EHBP1: variants seen among roughly 807,000 people sequenced by gnomAD.
EHBP1 encodes the protein EH domain-binding protein 1.
A neutral mutation model predicts 144.0 loss-of-function variants in EHBP1; 55 were observed. That is an observed-to-expected ratio of 0.38 (90% confidence interval 0.31 to 0.48). The LOEUF is 0.48. Among genes scored for constraint, EHBP1 ranks in the 20% least tolerant of loss-of-function variants. The pLI is 0.98. For missense variants in EHBP1, 1,200 were observed against 1,364.2 expected, an observed-to-expected ratio of 0.88 and a Z score of 1.90; for synonymous variants, 469 against 472.7, an observed-to-expected ratio of 0.99 and a Z score of 0.10.
chr2:62,943,766 T>G, intron 11 of EHBP1, 36 bp from the exon 12 acceptor site: 1 of 1,440,516 alleles, frequency 6.9e-7, no homozygotes, highest in South Asian at 1.4e-5. Context: ...TTTTATCAAA[T>G]ACTATATGTA....
rs553281021 is a variant in EHBP1 at position 62,752,184 on chromosome 2, G to A, written c.162+4732G>A. 1.4e-4 allele frequency among the ~76,000 whole-genome samples: 21 copies of A among 152,104 alleles called. No individual in the cohort carries two copies. The South Asian group carries it at 3.7e-3, about 27-fold the overall frequency. ...TCCCAGAGATTCTGGTATGTTATGT[G>A]TTTGTTCTCATTGGTTTCAAAGAAC... On this transcript the variant is annotated intron_variant, in intron 3 of 22. Transcript: ENST00000431489.
intron 1 of EHBP1, among the ~76,000 whole-genome samples, chr2:62,692,546 G>A (rs1336730500): frequency 6.6e-6 from 1 of 152,126 alleles, no homozygotes; most frequent in East Asian, 1.9e-4. Context: ...CCTTGTTATT[G>A]TCTGTCTTTG....
chr2:62,751,745 C>A (rs2039743343), intron 3 of EHBP1, among the ~76,000 whole-genome samples: 1 of 152,170 alleles, frequency 6.6e-6, no homozygotes, highest in Admixed American at 6.5e-5. Flanking sequence ...TTATGCATTT[C>A]TTCTAGATTT....
chr2:62,945,656 G>A (rs981831197), intron 12 of EHBP1, among the ~76,000 whole-genome samples: 5 of 152,122 alleles, frequency 3.3e-5, no homozygotes, highest in African/African-American at 1.2e-4. Flanking sequence ...AGGATGAGGT[G>A]GGAGAATCGC....
chr2:62,860,458 C>A (rs571484672), intron 8 of EHBP1, among the ~76,000 whole-genome samples: 2 of 151,562 alleles, frequency 1.3e-5, no homozygotes, highest in Non-Finnish European at 2.9e-5. Context: ...CCATTGCACT[C>A]CAGCCTGGGC....
intron 7 of EHBP1, among the ~76,000 whole-genome samples, chr2:62,854,724 T>C (rs979862472): frequency 1.3e-5 from 2 of 152,270 alleles, no homozygotes; most frequent in East Asian, 3.9e-4. Context: ...CTAACAGATA[T>C]AATGAAAAGG....
chr2:63,034,656 C>T (rs2061387050), intron 19 of EHBP1, among the ~76,000 whole-genome samples: 1 of 151,976 alleles, frequency 6.6e-6, no homozygotes, highest in Non-Finnish European at 1.5e-5. Flanking sequence ...TTTACCACCA[C>T]AGCCCACTCT....
intron 7 of EHBP1, among the ~76,000 whole-genome samples, chr2:62,836,017 G>A (rs1038774623): frequency 2.6e-5 from 4 of 151,958 alleles, no homozygotes; most frequent in Non-Finnish European, 4.4e-5. Context: ...GCCTGCCTCT[G>A]TAGGCTCCAC....
At chr2:62,959,948 G>A (rs990915629) in intron 14 of EHBP1, among the ~76,000 whole-genome samples, 1 of 152,024 alleles carries the variant, frequency 6.6e-6, no homozygotes, top group African/African-American at 2.4e-5. Context: ...GTAGTGCATG[G>A]GACAATGTCC....
chr2:62,787,888 C>T (rs1466190271), intron 5 of EHBP1, among the ~76,000 whole-genome samples: 1 of 152,132 alleles, frequency 6.6e-6, no homozygotes, highest in Non-Finnish European at 1.5e-5. Flanking sequence ...TAGAACTATC[C>T]AATTTTAATA....
chr2:62,754,781 C>T (rs1486038840), intron 3 of EHBP1, among the ~76,000 whole-genome samples: 2 of 152,224 alleles, frequency 1.3e-5, no homozygotes, highest in African/African-American at 4.8e-5. Flanking sequence ...GTGGGACCCT[C>T]CGAGCCAGGA....
intron 19 of EHBP1, among the ~76,000 whole-genome samples, chr2:63,013,084 A>C (rs2153234471): frequency 6.6e-6 from 1 of 152,324 alleles, no homozygotes; most frequent in South Asian, 2.1e-4. Context: ...TCTAAAGCAC[A>C]GACCATTTCT....
chr2:62,829,115 TAAAAAAAAGAAAA>T (rs987729845), intron 6 of EHBP1, among the ~76,000 whole-genome samples: 6 of 147,498 alleles, frequency 4.1e-5, no homozygotes, highest in African/African-American at 1.5e-4. Context: ...GACCCTGTCT[TAAAAAAAAGAAAA>T]AAAAAAAAGA....
chr2:62,863,996 G>A (rs946524164), intron 8 of EHBP1, among the ~76,000 whole-genome samples: 3 of 151,360 alleles, frequency 2.0e-5, no homozygotes, highest in Admixed American at 1.3e-4. Context: ...GCAGGCCCCC[G>A]CCACCCCACC....
At chr2:62,711,593 G>A (rs778109971) in intron 2 of EHBP1, among the ~76,000 whole-genome samples, 15 of 152,114 alleles carry the variant, frequency 9.9e-5, no homozygotes, top group Non-Finnish European at 8.8e-5. Context: ...ATCATGGGGC[G>A]ATAGAAAATT....
chr2:62,690,022 C>T (rs1252889412), intron 1 of EHBP1, among the ~76,000 whole-genome samples: 2 of 152,136 alleles, frequency 1.3e-5, no homozygotes, highest in East Asian at 3.8e-4. Flanking sequence ...GTGCTAAGTC[C>T]ACTTTTTAAT....
chr2:62,785,437 G>A (rs1558665680), intron 5 of EHBP1, among the ~76,000 whole-genome samples: 2 of 152,142 alleles, frequency 1.3e-5, no homozygotes, highest in Non-Finnish European at 2.9e-5. Context: ...GTGTGTAGAA[G>A]GTAGTGGAAT....
chr2:62,893,685 C>G (rs1174998429), intron 10 of EHBP1, among the ~76,000 whole-genome samples: 1 of 151,994 alleles, frequency 6.6e-6, no homozygotes, highest in Non-Finnish European at 1.5e-5. Flanking sequence ...TTTCCTCATC[C>G]AAGAAATGTG....
chr2:62,710,899 C>G (rs998195257), intron 2 of EHBP1, among the ~76,000 whole-genome samples: 1 of 152,134 alleles, frequency 6.6e-6, no homozygotes, highest in African/African-American at 2.4e-5. Context: ...CTTTGGGTGG[C>G]TTAAGCAAGC....
Sources: allele counts gnomAD v4.1 joint callset (sites outside exome capture counted in the v4.1 genomes callset), GRCh38; gene constraint gnomAD v4.1.1; transcripts MANE v1.5; gene names NCBI Gene and HGNC (gene_info 2026-07-23, HGNC 2026-07-21).